The following NLGN1 variants were observed in gnomAD, a reference collection of about 807,000 sequenced individuals.
NLGN1 encodes the protein neuroligin-1.
Under a neutral mutation model 65.5 loss-of-function variants are expected in NLGN1, and 12 were observed. The observed-to-expected ratio is 0.18, with a 90% CI of 0.12 to 0.30. NLGN1 has a LOEUF of 0.30. Ranked by LOEUF, NLGN1 falls within the 10% of genes least tolerant of loss-of-function variation. The pLI is 1.00. For missense variants in NLGN1, 750 were observed against 1,007.1 expected (o/e 0.74, Z 3.46); for synonymous variants, 350 against 359.5 (o/e 0.97, Z 0.30).
chr3:174,199,837 A>G (rs1313495179), intron 4 of NLGN1, among the ~76,000 whole-genome samples: 2 of 152,186 alleles, frequency 1.3e-5, no homozygotes, highest in Admixed American at 6.5e-5. Flanking sequence ...AAGACACCCA[A>G]TGGATGTGAA....
chr3:173,764,455 A>C (rs1365464051), intron 3 of NLGN1, among the ~76,000 whole-genome samples: 7 of 152,168 alleles, frequency 4.6e-5, no homozygotes, highest in Admixed American at 1.3e-4. Context: ...CAAAAAGAAC[A>C]GAATGGTTGC....
intron 4 of NLGN1, among the ~76,000 whole-genome samples, chr3:174,163,485 G>A (rs1295506196): frequency 6.6e-6 from 1 of 151,766 alleles, no homozygotes; most frequent in Non-Finnish European, 1.5e-5. Flanking sequence ...TTTGTTACCT[G>A]GGTATATTGT....
chr3:174,099,216 T>C (rs946972435), intron 4 of NLGN1, among the ~76,000 whole-genome samples: 1 of 152,202 alleles, frequency 6.6e-6, no homozygotes, highest in African/African-American at 2.4e-5. Context: ...ACATTGAAGA[T>C]GATAAACACC....
chr3:173,828,590 T>A (rs1430400889), intron 4 of NLGN1, among the ~76,000 whole-genome samples: 1 of 152,072 alleles, frequency 6.6e-6, no homozygotes, highest in African/African-American at 2.4e-5. Context: ...AATAAGTAAA[T>A]AAAATACAAA....
rs1286905137 is a variant in NLGN1, at chr3:174,107,084, C to CTACTTCAGT, written c.647-168229_647-168221dup. Among the ~76,000 whole-genome samples, 7 of 150,624 alleles carry CTACTTCAGT rather than the reference C, an allele frequency of 4.6e-5. No homozygotes were observed. The East Asian group carries it at 1.4e-3, about 30-fold the overall frequency. On this transcript the variant is annotated intron_variant, in intron 4 of 6. Coordinates refer to ENST00000457714, the Ensembl canonical transcript of NLGN1. ...TCTTTACCGTCTATCTGTGCATCCC[C>CTACTTCAGT]TACTTCAGTTGTCACATAAAGTTAA...
chr3:173,815,009 T>G (rs1718727809), intron 4 of NLGN1, among the ~76,000 whole-genome samples: 2 of 151,994 alleles, frequency 1.3e-5, no homozygotes, highest in South Asian at 4.1e-4. Context: ...CTCTTCTCTT[T>G]TCTTTTCTTT....
At chr3:174,017,287 A>G (rs754467699) in intron 4 of NLGN1, among the ~76,000 whole-genome samples, 1 of 152,082 alleles carries the variant, frequency 6.6e-6, no homozygotes, top group Non-Finnish European at 1.5e-5. Context: ...ATTGTGTAGG[A>G]CTTTAATTGA....
Position 174,279,688 on chromosome 3 carries a change from A to G in NLGN1, c.1649+38A>G, listed in dbSNP as rs1751230063. 6.3e-6 allele frequency: 8 copies of G among 1,263,546 alleles called. No homozygotes were observed. Among genetic ancestry groups the G allele is most frequent in the Non-Finnish European group, 8.8e-6 (8 of 905,360 alleles). The allele number at this position is 1,263,546 out of a possible 1,614,324, so 78.3% of individuals were successfully genotyped here. On this transcript the variant is annotated intron_variant, in intron 6 of 6. Transcript: ENST00000457714. The surrounding 1 kb of genome is among the most constrained non-coding windows in gnomAD (Gnocchi z 4.7). ...GGAATGAAGTTTATTTTTAATAAAA[A>G]TGTTATTTTAACCATTTTAAAATAA... is the stretch of plus-strand genomic sequence containing the variant.
chr3:173,796,556 C>T (rs1714115563), intron 3 of NLGN1, among the ~76,000 whole-genome samples: 1 of 152,108 alleles, frequency 6.6e-6, no homozygotes, highest in South Asian at 2.1e-4. Context: ...TAATTACTCT[C>T]ACTCCCTTTC....
chr3:173,635,365 C>G (rs142254380), intron 3 of NLGN1, among the ~76,000 whole-genome samples: 1 of 152,120 alleles, frequency 6.6e-6, no homozygotes, highest in Non-Finnish European at 1.5e-5. Context: ...TGCATTAATT[C>G]TCATTGGTTC....
At chr3:173,557,933 A>G (rs1360342403) in intron 2 of NLGN1, among the ~76,000 whole-genome samples, 2 of 152,122 alleles carry the variant, frequency 1.3e-5, no homozygotes, top group Non-Finnish European at 2.9e-5. Context: ...GACATTTGGT[A>G]GCATCAATTT....
chr3:173,546,835 A>G (rs996696235), intron 2 of NLGN1, among the ~76,000 whole-genome samples: 1 of 152,234 alleles, frequency 6.6e-6, no homozygotes, highest in Non-Finnish European at 1.5e-5. Flanking sequence ...GAAGAAGAAA[A>G]TGATTAAATA....
chr3:173,817,265 T>C (rs1476849094), intron 4 of NLGN1, among the ~76,000 whole-genome samples: 2 of 152,238 alleles, frequency 1.3e-5, no homozygotes, highest in Admixed American at 6.5e-5. Context: ...GTGCAGCACC[T>C]TGTTAAAGAT....
intron 3 of NLGN1, among the ~76,000 whole-genome samples, chr3:173,771,215 A>G (rs1019688671): frequency 3.3e-5 from 5 of 152,294 alleles, no homozygotes; most frequent in South Asian, 2.1e-4. Context: ...CCGTCTTCCC[A>G]TTATATGATA....
chr3:173,727,852 C>T (rs1282215267), intron 3 of NLGN1, among the ~76,000 whole-genome samples: 2 of 152,062 alleles, frequency 1.3e-5, no homozygotes, highest in African/African-American at 4.8e-5. Context: ...AAAAGAAGTA[C>T]AGGAAGGCAA....
chr3:173,677,749 C>G (rs182866239), intron 3 of NLGN1, among the ~76,000 whole-genome samples: 1 of 152,232 alleles, frequency 6.6e-6, no homozygotes, highest in African/African-American at 2.4e-5. Context: ...ACCAACTAGT[C>G]ACTGTGGCTA....
chr3:173,467,798 G>A (rs1276748354), intron 2 of NLGN1, among the ~76,000 whole-genome samples: 1 of 152,106 alleles, frequency 6.6e-6, no homozygotes, highest in South Asian at 2.1e-4. Context: ...ATGAGTCCAT[G>A]CAGTCCTTTA....
At chr3:174,169,228 G>C (rs1469613597) in intron 4 of NLGN1, among the ~76,000 whole-genome samples, 3 of 152,158 alleles carry the variant, frequency 2.0e-5, no homozygotes, top group Non-Finnish European at 4.4e-5. Flanking sequence ...CTCTGCACAA[G>C]AAGAGTGGGG....
At chr3:173,788,223 A>AAG (rs1464128530) in intron 3 of NLGN1, among the ~76,000 whole-genome samples, 1 of 150,550 alleles carries the variant, frequency 6.6e-6, no homozygotes, top group African/African-American at 2.4e-5. Flanking sequence ...AAAAAAAAAA[A>AAG]AAAAGAAAAA....
Sources: allele counts gnomAD v4.1 joint callset (sites outside exome capture counted in the v4.1 genomes callset), GRCh38; gene constraint gnomAD v4.1.1; non-coding constraint Gnocchi (gnomAD v3.1); transcripts MANE v1.5; gene names NCBI Gene and HGNC (gene_info 2026-07-23, HGNC 2026-07-21).